The following CASQ2 variants were observed in gnomAD, a reference collection of about 807,000 sequenced individuals.
The protein encoded by CASQ2 is calsequestrin-2.
CASQ2 carries 49 observed loss-of-function variants against 46.5 expected under a neutral mutation model. The observed-to-expected ratio is 1.05, with a 90% CI of 0.84 to 1.34. The LOEUF (loss-of-function observed/expected upper bound fraction) is 1.34. Among genes scored for constraint, CASQ2 ranks in the 40% most tolerant of loss-of-function variants. CASQ2 has a pLI of 0.00. For synonymous variants in CASQ2, 174 were observed against 168.5 expected, an observed-to-expected ratio of 1.03 and a Z score of -0.25; for missense variants, 486 against 481.3, an observed-to-expected ratio of 1.01 and a Z score of -0.09.
At chr1:115,718,013 C>T (rs1049180437) in intron 7 of CASQ2, 119 bp from the exon 8 acceptor site, 12 of 764,174 alleles carry the variant, frequency 1.6e-5, no homozygotes, top group Middle Eastern at 2.3e-4. Flanking sequence ...GGTGTGGAAG[C>T]GGGGATGAAC....
At chr1:115,717,285 A>G (rs1348941777) in intron 8 of CASQ2, among the ~76,000 whole-genome samples, 1 of 152,138 alleles carries the variant, frequency 6.6e-6, no homozygotes, top group Admixed American at 6.5e-5. Context: ...TTTCCATTTG[A>G]GTTTCTCTTT....
intron 1 of CASQ2, among the ~76,000 whole-genome samples, chr1:115,757,355 G>C (rs1017532456): frequency 6.6e-6 from 1 of 152,166 alleles, no homozygotes; most frequent in African/African-American, 2.4e-5. Context: ...GAAAGTATGG[G>C]CTCTATGAGA....
At chr1:115,731,473 T>C (rs1266393335) in intron 5 of CASQ2, among the ~76,000 whole-genome samples, 2 of 152,222 alleles carry the variant, frequency 1.3e-5, no homozygotes, top group Admixed American at 1.3e-4. Context: ...GGCTTCTCTG[T>C]TCCTCCCTTT....
At chr1:115,734,626 C>G (rs183895447) in intron 4 of CASQ2, among the ~76,000 whole-genome samples, 35 of 152,318 alleles carry the variant, frequency 2.3e-4, no homozygotes, top group Non-Finnish European at 4.1e-4. Flanking sequence ...GTTCCTGGTC[C>G]CTTCCAGTCA....
intron 8 of CASQ2, among the ~76,000 whole-genome samples, chr1:115,706,164 G>A (rs935768558): frequency 2.0e-5 from 3 of 151,840 alleles, no homozygotes; most frequent in Admixed American, 6.6e-5. Context: ...GTGTGTGTAT[G>A]TGTGTGCGTG....
At chr1:115,748,400 C>T (rs574293905) in intron 1 of CASQ2, among the ~76,000 whole-genome samples, 2 of 152,260 alleles carry the variant, frequency 1.3e-5, no homozygotes, top group East Asian at 1.9e-4. Context: ...TGTTTCCCTT[C>T]TTCGAAGAGC....
In CASQ2 at chr1:115,768,500, C is replaced by G; in HGVS notation, c.42G>C (p.Leu14=). The part of the protein sequence containing the change: ...THLFIVGIYF[L]SSCRAEEGLN... ...GCCCCTCTTCTGCCCTGCAAGAGGA[C>G]AGAAAATAAATCCCCACAATAAACA... is the stretch of plus-strand genomic sequence containing the variant. The change falls in exon 1 of 11, where the codon CTG becomes CTC. Residue 14 remains leucine, a synonymous_variant. Transcript: ENST00000261448. The G allele has an allele frequency of 6.2e-7, 1 of 1,613,668 alleles. No homozygotes were observed. Among genetic ancestry groups the G allele is most frequent in the Non-Finnish European group, 8.5e-7 (1 of 1,179,630 alleles).
intron 5 of CASQ2, among the ~76,000 whole-genome samples, chr1:115,727,727 A>G (rs931370843): frequency 6.6e-6 from 1 of 151,972 alleles, no homozygotes; most frequent in African/African-American, 2.4e-5. Context: ...GAGGTGACTG[A>G]CCATCTTGCT....
At chr1:115,706,712 T>G (rs912300967) in intron 8 of CASQ2, among the ~76,000 whole-genome samples, 2 of 152,246 alleles carry the variant, frequency 1.3e-5, no homozygotes, top group African/African-American at 4.8e-5. Context: ...CAATTAACTG[T>G]GCTTTCTTTG....
chr1:115,764,452 T>C (rs1285142174), intron 1 of CASQ2, among the ~76,000 whole-genome samples: 1 of 152,220 alleles, frequency 6.6e-6, no homozygotes, highest in Non-Finnish European at 1.5e-5. Flanking sequence ...TTTATTTTGG[T>C]GTGATTACTT....
chr1:115,740,705 G>A (rs142337538), intron 3 of CASQ2, 23 bp downstream of exon 3: 1 of 1,428,054 alleles, frequency 7.0e-7, no homozygotes, highest in Non-Finnish European at 9.9e-7. Flanking sequence ...CTCCATGCAG[G>A]GTCACTGTGT....
chr1:115,721,738 T>G (rs1319126329), intron 7 of CASQ2, among the ~76,000 whole-genome samples: 1 of 152,078 alleles, frequency 6.6e-6, no homozygotes, highest in Non-Finnish European at 1.5e-5. Context: ...ACCCAGCTAA[T>G]TTTTGTATTT....
At chr1:115,715,311 A>C (rs566383131) in intron 8 of CASQ2, among the ~76,000 whole-genome samples, 1 of 152,366 alleles carries the variant, frequency 6.6e-6, no homozygotes, top group African/African-American at 2.4e-5. Context: ...TTGAAAAGTG[A>C]AAAAGACAAG....
Position 115,717,949 on chromosome 1 carries a change from T to C in CASQ2, c.784-55A>G, listed in dbSNP as rs28730715. The C allele has an allele frequency of 4.8e-3, 5,905 of 1,219,674 alleles. 119 individuals are homozygous for C. In the African/African-American group the frequency reaches 0.057, roughly 12 times the overall value. The allele number at this position is 1,219,674 out of a possible 1,614,324, so 75.6% of individuals were successfully genotyped here. Reference sequence around the variant, plus strand: ...TTCCAGCTGGAGGGATGCAAAGGACTGAGCCAGGGACAGGGACTCAGAAGC... The same window carrying C: ...TTCCAGCTGGAGGGATGCAAAGGACCGAGCCAGGGACAGGGACTCAGAAGC... On this transcript the variant is annotated intron_variant, in intron 7 of 10. Transcript: ENST00000261448.
chr1:115,708,078 C>T (rs539602370), intron 8 of CASQ2, among the ~76,000 whole-genome samples: 26 of 152,294 alleles, frequency 1.7e-4, no homozygotes, highest in African/African-American at 6.3e-4. Flanking sequence ...TTACCTACTA[C>T]GTTCCTATTT....
chr1:115,702,636 GT>G (rs1274788012), intron 10 of CASQ2, among the ~76,000 whole-genome samples: 1 of 152,218 alleles, frequency 6.6e-6, no homozygotes, highest in Non-Finnish European at 1.5e-5. Context: ...GACTTTGGGG[GT>G]AAATACAGGA....
At chr1:115,756,845 G>A (rs901155401) in intron 1 of CASQ2, among the ~76,000 whole-genome samples, 4 of 152,152 alleles carry the variant, frequency 2.6e-5, no homozygotes, top group Non-Finnish European at 4.4e-5. Context: ...TACTCAGGAG[G>A]CTGAGGCAGA....
At chr1:115,702,008 C>T (rs543687203) in intron 10 of CASQ2, among the ~76,000 whole-genome samples, 24 of 151,910 alleles carry the variant, frequency 1.6e-4, no homozygotes, top group Middle Eastern at 3.4e-3. Context: ...CTGCAACCTC[C>T]GCCTCCTGGG....
intron 1 of CASQ2, among the ~76,000 whole-genome samples, chr1:115,757,114 T>A (rs1648789099): frequency 6.6e-6 from 1 of 152,208 alleles, no homozygotes; most frequent in African/African-American, 2.4e-5. Context: ...GAATCAACCA[T>A]GTATTTTCCA....
Sources: gnomAD v4.1 joint callset for allele counts (sites outside exome capture counted in the v4.1 genomes callset) on GRCh38, gnomAD v4.1.1 for gene constraint, MANE v1.5 for transcripts, NCBI Gene and HGNC (gene_info 2026-07-23, HGNC 2026-07-21) for gene names.